The following HAPSTR1 variants were observed in gnomAD, a reference collection of about 807,000 sequenced individuals.
HAPSTR1 encodes HUWE1-associated protein modifying stress responses 1.
chr16:9,113,414 T>G, the HAPSTR1 span, among the ~76,000 whole-genome samples: 1 of 152,212 alleles, frequency 6.6e-6, no homozygotes. Flanking sequence ...TTAACACATC[T>G]TCTTTTTCAT....
the HAPSTR1 span, among the ~76,000 whole-genome samples, chr16:9,115,918 A>G: frequency 1.3e-5 from 2 of 152,108 alleles, no homozygotes; most frequent in African/African-American, 4.8e-5. Context: ...CCTTGGATTC[A>G]GTAACTCTTA....
the HAPSTR1 span, among the ~76,000 whole-genome samples, chr16:9,098,552 C>G: frequency 6.6e-6 from 1 of 152,114 alleles, no homozygotes; most frequent in South Asian, 2.1e-4. Context: ...TGCCAGGGCT[C>G]ACACCTGTAG....
At chr16:9,102,850 GT>G in the HAPSTR1 span, 3 of 850,818 alleles carry the variant, frequency 3.5e-6, no homozygotes, top group Non-Finnish European at 5.4e-6. Flanking sequence ...AATCATTTCA[GT>G]TTATATTACT....
At chr16:9,103,532 T>G in the HAPSTR1 span, 13 of 378,450 alleles carry the variant, frequency 3.4e-5, no homozygotes, top group Middle Eastern at 7.3e-4. Context: ...AATTTATCGC[T>G]TTACACTTAT....
the HAPSTR1 span, chr16:9,105,907 T>A: frequency 2.0e-4 from 30 of 152,284 alleles, no homozygotes; most frequent in African/African-American, 7.2e-4. Context: ...TTCCCTCAGT[T>A]TTTTTCCCCT....
chr16:9,099,638 G>A, the HAPSTR1 span, among the ~76,000 whole-genome samples: 1 of 152,188 alleles, frequency 6.6e-6, no homozygotes, highest in Admixed American at 6.5e-5. Flanking sequence ...AGTGTTGGAC[G>A]CAAGACTGGC....
chr16:9,112,133 A>G, the HAPSTR1 span: 2 of 152,136 alleles, frequency 1.3e-5, no homozygotes, highest in African/African-American at 2.4e-5. Flanking sequence ...ATCTACTTCA[A>G]ATTACTGAAA....
chr16:9,117,138 G>A, the HAPSTR1 span: 1 of 591,070 alleles, frequency 1.7e-6, no homozygotes, highest in Non-Finnish European at 2.9e-6. Context: ...ATCAGATATT[G>A]TGTAGTCGTT....
the HAPSTR1 span, chr16:9,106,019 C>CAG: frequency 6.6e-6 from 1 of 152,122 alleles, no homozygotes; most frequent in African/African-American, 2.4e-5. Flanking sequence ...TTCGTGTAGA[C>CAG]AGAGTATGAC....
the HAPSTR1 span, chr16:9,121,591 G>T: frequency 6.6e-6 from 1 of 152,128 alleles, no homozygotes; most frequent in Non-Finnish European, 1.5e-5. Flanking sequence ...TTTCTCATCT[G>T]TGAAATAAAT....
chr16:9,092,818 G>A, the HAPSTR1 span: 5 of 1,239,010 alleles, frequency 4.0e-6, no homozygotes, highest in Non-Finnish European at 5.6e-6. Flanking sequence ...TGGCCGTTCC[G>A]GAGTGATTGA....
the HAPSTR1 span, among the ~76,000 whole-genome samples, chr16:9,115,882 T>A: frequency 6.6e-6 from 1 of 152,166 alleles, no homozygotes; most frequent in African/African-American, 2.4e-5. Context: ...AGTGCTGGGA[T>A]TACAGGTGTG....
At chr16:9,106,058 T>G in the HAPSTR1 span, 2 of 152,182 alleles carry the variant, frequency 1.3e-5, no homozygotes. Context: ...TCATTGCCCT[T>G]GTAAGCCTGG....
the HAPSTR1 span, chr16:9,106,850 C>T: frequency 2.3e-3 from 352 of 152,208 alleles, 1 homozygote; most frequent in African/African-American, 7.8e-3. Flanking sequence ...TTAATACCAA[C>T]AACTGGTAAC....
chr16:9,108,148 C>T, the HAPSTR1 span: 1 of 152,118 alleles, frequency 6.6e-6, no homozygotes, highest in Non-Finnish European at 1.5e-5. Flanking sequence ...TCAGTGTTTA[C>T]TTTGTAAAAG....
chr16:9,108,141 G>T, the HAPSTR1 span: 6 of 152,076 alleles, frequency 3.9e-5, no homozygotes, highest in African/African-American at 7.2e-5. Context: ...TACTCTTTCA[G>T]TGTTTACTTT....
At chr16:9,119,413 A>ATCT in the HAPSTR1 span, 1 of 152,238 alleles carries the variant, frequency 6.6e-6, no homozygotes, top group Non-Finnish European at 1.5e-5. Context: ...GGGGAACAGA[A>ATCT]GCTCTCTTCG....
the HAPSTR1 span, chr16:9,110,044 A>C: frequency 1.3e-5 from 2 of 152,170 alleles, no homozygotes; most frequent in African/African-American, 4.8e-5. Flanking sequence ...CTCCTCAAGC[A>C]ATTTCTGGCC....
At chr16:9,118,326 G>A in the HAPSTR1 span, 1 of 152,580 alleles carries the variant, frequency 6.6e-6, no homozygotes, top group Non-Finnish European at 1.5e-5. Flanking sequence ...GCAAATCAGT[G>A]TAAGGGTTTT....
Sources: gnomAD v4.1 joint callset for allele counts (sites outside exome capture counted in the v4.1 genomes callset) on GRCh38, gnomAD v4.1.1 for gene constraint, MANE v1.5 for transcripts, NCBI Gene and HGNC (gene_info 2026-07-23, HGNC 2026-07-21) for gene names.